Variants in THBS3 observed in about 807,000 individuals in gnomAD.
THBS3 encodes the protein thrombospondin-3.
THBS3 carries 78 observed loss-of-function variants against 118.3 expected under a neutral mutation model. The observed-to-expected ratio is 0.66, with a 90% CI of 0.55 to 0.80. The LOEUF is 0.80. Ranked by LOEUF, THBS3 falls within the 30% of genes least tolerant of loss-of-function variation. The pLI is 0.00. For synonymous variants in THBS3, 427 were observed against 475.3 expected (o/e 0.90, Z 1.32); for missense variants, 1,057 against 1,247.4 (o/e 0.85, Z 2.30).
In THBS3 at chr1:155,206,116, A is replaced by T; in HGVS notation, c.286+84T>A. 1 of 1,509,256 alleles carries T rather than the reference A, an allele frequency of 6.6e-7. No homozygotes were observed. The highest frequency in any genetic ancestry group is 1.2e-5 in the South Asian group (1 of 84,620). The allele number at this position is 1,509,256 out of a possible 1,614,324, so 93.5% of individuals were successfully genotyped here. On this transcript the variant is annotated intron_variant, in intron 2 of 22. Transcript: ENST00000368378. This position sits in a 1 kb window ranked among gnomAD's most constrained non-coding sequence, Gnocchi z 4.2. Reference sequence around the variant, plus strand: ...TTGGTCCCTAGTGGAGGCCAAGGAGAATGAGGAAGCACTTGGGAAGTAGGG... The same window carrying T: ...TTGGTCCCTAGTGGAGGCCAAGGAGTATGAGGAAGCACTTGGGAAGTAGGG...
rs1404366539 is a variant in THBS3, at chr1:155,202,671, A to G, written c.957+141T>C. On this transcript the variant is annotated intron_variant, in intron 8 of 22. Transcript: ENST00000368378. The surrounding 1 kb of genome is among the most constrained non-coding windows in gnomAD (Gnocchi z 5.5). ...TTGCCCCAGGCCTTCTGTCTCTCCCATCTTGCATTTCTCTTGCCTCTGACC... is the reference window on the plus strand; with the variant it reads ...TTGCCCCAGGCCTTCTGTCTCTCCCGTCTTGCATTTCTCTTGCCTCTGACC... The G allele has an allele frequency of 1.6e-6, 2 of 1,264,748 alleles. No individual in the cohort carries two copies. The highest frequency in any genetic ancestry group is 2.2e-6 in the Non-Finnish European group (2 of 922,430). The allele number at this position is 1,264,748 out of a possible 1,614,324, so 78.3% of individuals were successfully genotyped here. A position where few individuals can be genotyped will look rare whatever the true frequency, so the allele number is the denominator to read the frequency against.
chr1:155,200,902 C>T lies in THBS3; in HGVS notation c.1543G>A (p.Val515Ile). The change falls in exon 13 of 23, where the codon GTT becomes ATT. Residue 515 changes from valine (V) to isoleucine (I), a missense_variant. Val to Ile is a conservative substitution (Grantham distance 29). Transcript: ENST00000368378. Reference protein sequence around the residue: ...DDADGDGIKNVEDNCRLFPNK... With the variant: ...DDADGDGIKNIEDNCRLFPNK... ...CAGGGCAGTCTGGGAGTCACCTCAACATTCTTGATCCCATCCCCATCAGCA... is the reference window on the plus strand; with the variant it reads ...CAGGGCAGTCTGGGAGTCACCTCAATATTCTTGATCCCATCCCCATCAGCA... 6.2e-7 allele frequency: 1 copy of T among 1,614,130 alleles called. No individual in the cohort carries two copies. Among genetic ancestry groups the T allele is most frequent in the Non-Finnish European group, 8.5e-7 (1 of 1,180,020 alleles).
upstream of THBS3, chr1:155,208,105 C>T: frequency 1.7e-6 from 1 of 573,112 alleles, no homozygotes; most frequent in Non-Finnish European, 3.1e-6. Flanking sequence ...TTCTACCTCT[C>T]CCTAATGATC....
chr1:155,201,110 T>A lies in THBS3; in HGVS notation c.1424A>T (p.Asn475Ile). 6.2e-7 allele frequency: 1 copy of A among 1,614,222 alleles called. No individual in the cohort carries two copies. The highest frequency in any genetic ancestry group is 8.5e-7 in the Non-Finnish European group (1 of 1,180,052). The change falls in exon 12 of 23, where the codon AAC becomes ATC. Residue 475 changes from asparagine to isoleucine, a missense_variant. By Grantham distance (149) the Asn-to-Ile change is moderately radical. Coordinates refer to ENST00000368378, the MANE Select transcript of THBS3 (RefSeq NM_007112.5). ...PDQALPCMDN[N>I]KHCKQDNCLL... ...TCCCTGCACCTGTTTGCAGTGTTTG[T>A]TGTTGTCCATGCAGGGCAGTGCTTG...
chr1:155,205,018 A>C (rs1160861452), intron 3 of THBS3, 42 bp downstream of exon 3: 2 of 1,613,246 alleles, frequency 1.2e-6, no homozygotes, highest in South Asian at 2.2e-5. Flanking sequence ...CAGCTGGTGC[A>C]AACTCTATTT....
upstream of THBS3, chr1:155,207,900 C>T (rs1670791623): frequency 6.2e-7 from 1 of 1,612,716 alleles, no homozygotes; most frequent in South Asian, 1.1e-5. Flanking sequence ...CTCACTACCC[C>T]TGGCAGGCAG....
Position 155,200,944 on chromosome 1 carries a change from C to A in THBS3, c.1501G>T (p.Asp501Tyr). The A allele has an allele frequency of 6.2e-7, 1 of 1,614,084 alleles. No homozygotes were observed. The highest frequency in any genetic ancestry group is 8.5e-7 in the Non-Finnish European group (1 of 1,180,020). ...QEDADNDGVG[D>Y]QCDDDADGDG... ...CCATCAGCATCATCATCACACTGGTCCCCCACACCATCATTATCAGCATCT... is the reference window on the plus strand; with the variant it reads ...CCATCAGCATCATCATCACACTGGTACCCCACACCATCATTATCAGCATCT... Residue 501 changes from aspartate (D) to tyrosine (Y), a missense_variant, in exon 13 of 23, where the codon GAC (aspartate) becomes TAC (tyrosine). Transcript: ENST00000368378.
rs1438886937 is a variant in THBS3 at position 155,202,181 on chromosome 1, A to T, written c.1098+80T>A. 6.3e-7 allele frequency: 1 copy of T among 1,594,052 alleles called. No individual in the cohort carries two copies. Among genetic ancestry groups the T allele is most frequent in the African/African-American group, 1.3e-5 (1 of 74,410 alleles). On this transcript the variant is annotated intron_variant, in intron 9 of 22. Transcript: ENST00000368378. The surrounding 1 kb of genome is among the most constrained non-coding windows in gnomAD (Gnocchi z 5.5). ...AAGCCATCCATGTCCCATTCATCAC[A>T]AGGGTCCCATGTCCAACCCAGAAGC...
At chr1:155,195,938 T>C in intron 22 of THBS3, 39 bp from the exon 23 acceptor site, 1 of 1,614,076 alleles carries the variant, frequency 6.2e-7, no homozygotes, top group South Asian at 1.1e-5. Context: ...AGGATGTGGC[T>C]CTCCCACAAG....
chr1:155,205,837 T>G (rs945031342), intron 2 of THBS3, among the ~76,000 whole-genome samples: 5 of 152,218 alleles, frequency 3.3e-5, no homozygotes, highest in African/African-American at 1.2e-4. Context: ...CAGATGACTG[T>G]ATCCTCTCCT....
At position 155,196,054 on chromosome 1, in the gene THBS3, C is replaced by A; in HGVS notation, c.2745G>T (p.Gly915=). ...GGGAGAAGCAGAATACACCAAGACG[C>A]CCCCCTCGCATGGATGTGTCAATGA... ...GVIIDTSMRG[G]RLGVFCFSQE... is the part of the protein sequence containing the mutation. The change falls in exon 22 of 23, where the codon GGG becomes GGT. Residue 915 remains glycine (G), a synonymous_variant. Transcript: ENST00000368378. 6.2e-7 allele frequency: 1 copy of A among 1,614,144 alleles called. No individual in the cohort carries two copies. Among genetic ancestry groups the A allele is most frequent in the Non-Finnish European group, 8.5e-7 (1 of 1,180,022 alleles).
At chr1:155,199,353 T>C (rs1669264861) in intron 16 of THBS3, among the ~76,000 whole-genome samples, 1 of 147,822 alleles carries the variant, frequency 6.8e-6, no homozygotes, top group Non-Finnish European at 1.5e-5. Context: ...GAGCTTGCAG[T>C]GAGCCGAGAT....
Position 155,198,470 on chromosome 1 carries a change from A to C in THBS3, c.2013T>G (p.Tyr671Ter), listed in dbSNP as rs746226694. ...GGCAGTTATCGGGACCAGGAGGCAC[A>C]TAATCTGGGATGCCATCATTGTCAT... ...GDDDNDGIPD[Y>*]VPPGPDNCRL... is the part of the protein sequence containing the mutation. Residue 671 changes from tyrosine to a stop codon, truncating the protein, a stop_gained, in exon 17 of 23, where the codon TAT (tyrosine) becomes TAG (stop). Transcript: ENST00000368378. LOFTEE classifies it high-confidence loss of function. 1 of 1,614,218 alleles carries C rather than the reference A, an allele frequency of 6.2e-7. No homozygotes were observed. Among genetic ancestry groups the C allele is most frequent in the East Asian group, 2.2e-5 (1 of 44,890 alleles).
intron 16 of THBS3, 36 bp downstream of exon 16, chr1:155,199,762 CAAAAAA>C: frequency 6.2e-7 from 1 of 1,608,802 alleles, no homozygotes; most frequent in Non-Finnish European, 8.5e-7. Flanking sequence ...CTCAGAAAGA[CAAAAAA>C]AAGAAAGACC....
intron 10 of THBS3, 55 bp from the exon 11 acceptor site, chr1:155,201,624 G>A (rs1557867118): frequency 3.2e-6 from 5 of 1,572,472 alleles, no homozygotes; most frequent in Non-Finnish European, 4.3e-6. Flanking sequence ...CAGGCACCCA[G>A]GACCAGCACT....
At chr1:155,200,835 G>A in intron 13 of THBS3, 62 bp downstream of exon 13, 1 of 1,613,056 alleles carries the variant, frequency 6.2e-7, no homozygotes, top group Non-Finnish European at 8.5e-7. Flanking sequence ...AGGTAAGTGA[G>A]GCACAGAGAG....
In THBS3 at chr1:155,200,074, T is replaced by A. The variant is rs771057888; in HGVS notation, c.1748A>T (p.Asn583Ile). 3 of 1,595,034 alleles carry A rather than the reference T, an allele frequency of 1.9e-6. No individual in the cohort carries two copies. The highest frequency in any genetic ancestry group is 3.5e-5 in the Admixed American group (2 of 56,758). Residue 583 changes from asparagine (N) to isoleucine (I), a missense_variant, in exon 15 of 23, where the codon AAC becomes ATC. By Grantham distance (149) the Asn-to-Ile change is moderately radical. Around this residue, in one of 3 missense-constraint regions of THBS3, gnomAD observed 544 missense variants for 715.6 expected, o/e 0.76. Transcript: ENST00000368378. ...NGLDNCPKVPNPLQTDRDEDG... is the reference protein window; with the variant it reads ...NGLDNCPKVPIPLQTDRDEDG... ...CTCATCCCTGTCTGTCTGTAGTGGGTTGGGGACTTTAGGGCAATTGTCCAA... is the reference window on the plus strand; with the variant it reads ...CTCATCCCTGTCTGTCTGTAGTGGGATGGGGACTTTAGGGCAATTGTCCAA...
chr1:155,201,500 G>A lies in THBS3; in HGVS notation c.1246C>T (p.Arg416Trp), dbSNP rs765428026. Reference protein sequence around the residue: ...GNQSQGCLPARTCHSPAHSPC... With the variant: ...GNQSQGCLPAWTCHSPAHSPC... The stretch of plus-strand genomic sequence containing the variant: ...CTGTGGGCTGGGCTGTGGCAGGTCC[G>A]GGCTGGGAGGCAGCCCTGGCTCTGG... The change falls in exon 11 of 23, where the codon CGG (arginine) becomes TGG (tryptophan). Residue 416 changes from arginine to tryptophan, a missense_variant. Coordinates refer to ENST00000368378, the MANE Select transcript of THBS3 (RefSeq NM_007112.5). 1.7e-5 allele frequency: 27 copies of A among 1,613,372 alleles called. No individual in the cohort carries two copies. Among genetic ancestry groups the A allele is most frequent in the Admixed American group, 5.0e-5 (3 of 59,952 alleles).
intron 10 of THBS3, 52 bp downstream of exon 10, chr1:155,201,904 TG>T: frequency 6.2e-7 from 1 of 1,609,882 alleles, no homozygotes. Flanking sequence ...GGGCGGGGGT[TG>T]GGGTTTTACC....
Sources: gnomAD v4.1 joint callset for allele counts (sites outside exome capture counted in the v4.1 genomes callset) on GRCh38, gnomAD v4.1.1 for gene constraint, gnomAD v4.1.1 regional missense constraint, Gnocchi (gnomAD v3.1) non-coding constraint, MANE v1.5 for transcripts, NCBI Gene and HGNC (gene_info 2026-07-23, HGNC 2026-07-21) for gene names.